Variants in CNTNAP2 observed in about 807,000 individuals in gnomAD.
The protein encoded by CNTNAP2 is contactin-associated protein-like 2.
Under a neutral mutation model 155.2 loss-of-function variants are expected in CNTNAP2, and 98 were observed. The observed-to-expected ratio is 0.63, with a 90% CI of 0.54 to 0.75. The LOEUF (loss-of-function observed/expected upper bound fraction) is 0.75, where lower values mean the gene tolerates loss of function less well. CNTNAP2 is among the 30% of genes least tolerant of loss of function. The pLI, the probability that CNTNAP2 is intolerant of heterozygous loss-of-function variation, is 0.00. For synonymous variants in CNTNAP2, 651 were observed against 631.2 expected (o/e 1.03, Z -0.47); for missense variants, 1,727 against 1,688.1 (o/e 1.02, Z -0.40).
At chr7:147,031,644 G>T (rs1799034219) in intron 3 of CNTNAP2, among the ~76,000 whole-genome samples, 1 of 152,242 alleles carries the variant, frequency 6.6e-6, no homozygotes, top group South Asian at 2.1e-4. Context: ...TTGGCTGGGT[G>T]CAGAGGCCCA....
intron 21 of CNTNAP2, among the ~76,000 whole-genome samples, chr7:148,335,592 A>C (rs1278754274): frequency 6.6e-6 from 1 of 152,234 alleles, no homozygotes; most frequent in Non-Finnish European, 1.5e-5. Context: ...AAGAGAAGGA[A>C]GATTAGGCAG....
intron 10 of CNTNAP2, among the ~76,000 whole-genome samples, chr7:147,407,887 GCAAAAT>G (rs1304249045): frequency 1.3e-5 from 2 of 152,200 alleles, no homozygotes; most frequent in African/African-American, 2.4e-5. Flanking sequence ...AACATGCCAG[GCAAAAT>G]CAGAGGCATG....
At chr7:147,873,335 T>A (rs145028520) in intron 13 of CNTNAP2, among the ~76,000 whole-genome samples, 34 of 152,222 alleles carry the variant, frequency 2.2e-4, no homozygotes, top group African/African-American at 7.9e-4. Flanking sequence ...TAAGACTGGG[T>A]AATTTATAAA....
At chr7:148,096,231 C>T (rs1435047845) in intron 15 of CNTNAP2, among the ~76,000 whole-genome samples, 1 of 151,658 alleles carries the variant, frequency 6.6e-6, no homozygotes, top group South Asian at 2.1e-4. Flanking sequence ...CTCATCTCCT[C>T]GTTTGTCAAG....
chr7:146,511,587 T>C (rs956277226), intron 1 of CNTNAP2, among the ~76,000 whole-genome samples: 29 of 152,224 alleles, frequency 1.9e-4, no homozygotes, highest in African/African-American at 7.0e-4. Flanking sequence ...CATTTACAGA[T>C]TTAAATATGT....
intron 3 of CNTNAP2, among the ~76,000 whole-genome samples, chr7:146,862,512 C>A (rs113925165): frequency 1.1e-4 from 16 of 152,046 alleles, no homozygotes; most frequent in African/African-American, 2.7e-4. Context: ...ACAAAAAAAA[C>A]GCTAATGACA....
intron 1 of CNTNAP2, among the ~76,000 whole-genome samples, chr7:146,585,612 G>T (rs1798676902): frequency 6.6e-6 from 1 of 151,818 alleles, no homozygotes; most frequent in Non-Finnish European, 1.5e-5. Flanking sequence ...GTTATTTTAA[G>T]AATTCAGAGT....
intron 10 of CNTNAP2, among the ~76,000 whole-genome samples, chr7:147,484,977 C>T (rs928305811): frequency 6.6e-6 from 1 of 152,072 alleles, no homozygotes; most frequent in Non-Finnish European, 1.5e-5. Flanking sequence ...AGGATTATAA[C>T]AAAAATCAGG....
intron 16 of CNTNAP2, 112 bp from the exon 17 acceptor site, chr7:148,147,379 G>A (rs1452647655): frequency 1.9e-6 from 2 of 1,027,076 alleles, no homozygotes; most frequent in African/African-American, 3.1e-5. Context: ...TGTAGGACGT[G>A]ACAGGCTTAG....
chr7:147,850,557 C>T (rs553974946), intron 13 of CNTNAP2, among the ~76,000 whole-genome samples: 12 of 152,330 alleles, frequency 7.9e-5, no homozygotes, highest in African/African-American at 2.9e-4. Flanking sequence ...CAGCATGGTA[C>T]TGGTGCCAAA....
At chr7:148,234,101 G>T (rs1322641057) in intron 20 of CNTNAP2, among the ~76,000 whole-genome samples, 1 of 152,166 alleles carries the variant, frequency 6.6e-6, no homozygotes, top group African/African-American at 2.4e-5. Context: ...CCCAGTCTCA[G>T]GTAGTTCTTT....
At chr7:146,798,294 C>CG (rs1802807640) in intron 2 of CNTNAP2, among the ~76,000 whole-genome samples, 3 of 151,494 alleles carry the variant, frequency 2.0e-5, no homozygotes, top group African/African-American at 7.3e-5. Context: ...AAAAAAAAGA[C>CG]TTTTTTTGTG....
chr7:146,845,631 C>T (rs886066354), intron 3 of CNTNAP2, among the ~76,000 whole-genome samples: 2 of 152,114 alleles, frequency 1.3e-5, no homozygotes, highest in African/African-American at 4.8e-5. Flanking sequence ...TTTTCAGATT[C>T]CCTTTACCTC....
At position 146,540,900 on chromosome 7, in the gene CNTNAP2, A is replaced by G. The variant is rs114508339; in HGVS notation, c.98-233371A>G. Among the ~76,000 whole-genome samples the G allele has an allele frequency of 5.5e-3, 843 of 152,122 alleles. 14 individuals are homozygous for G. The highest frequency in any genetic ancestry group is 0.019 in the African/African-American group (808 of 41,518). ...ATTGGTGAATAATTTGCAAATCCTC[A>G]TTTGACCTAAGGAGTGTTTGATTGT... On this transcript the variant is annotated intron_variant, in intron 1 of 23. Coordinates refer to ENST00000361727, the MANE Select transcript of CNTNAP2 (RefSeq NM_014141.6).
intron 14 of CNTNAP2, among the ~76,000 whole-genome samples, chr7:147,966,965 A>C (rs1801225884): frequency 6.6e-6 from 1 of 152,086 alleles, no homozygotes; most frequent in Admixed American, 6.6e-5. Context: ...AACACCGAGA[A>C]GTCCTAGACT....
intron 9 of CNTNAP2, among the ~76,000 whole-genome samples, chr7:147,335,400 C>T (rs899617): frequency 0.38 from 58,257 of 151,928 alleles, 11,543 homozygotes; most frequent in South Asian, 0.49. Context: ...AGAAATTACA[C>T]ATAATTAACT....
intron 13 of CNTNAP2, among the ~76,000 whole-genome samples, chr7:147,805,404 G>A (rs148886619): frequency 7.2e-5 from 11 of 152,254 alleles, no homozygotes; most frequent in African/African-American, 2.6e-4. Flanking sequence ...TTCCAATTTG[G>A]ATGAGCTTTA....
intron 8 of CNTNAP2, among the ~76,000 whole-genome samples, chr7:147,195,054 G>A (rs1297553943): frequency 6.6e-6 from 1 of 152,114 alleles, no homozygotes; most frequent in Non-Finnish European, 1.5e-5. Flanking sequence ...ATGGTTTGGG[G>A]TTTTACATTT....
At chr7:146,461,643 G>A (rs1796639405) in intron 1 of CNTNAP2, among the ~76,000 whole-genome samples, 1 of 152,166 alleles carries the variant, frequency 6.6e-6, no homozygotes, top group Admixed American at 6.5e-5. Context: ...TTCAAATCTA[G>A]TGAGGAGTAG....
Sources: gnomAD v4.1 joint callset for allele counts (sites outside exome capture counted in the v4.1 genomes callset) on GRCh38, gnomAD v4.1.1 for gene constraint, MANE v1.5 for transcripts, NCBI Gene and HGNC (gene_info 2026-07-23, HGNC 2026-07-21) for gene names.